The following TRDN variants were observed in gnomAD, a reference collection of about 807,000 sequenced individuals.
The protein encoded by TRDN is triadin, also known as triadin in skeletal muscle.
A neutral mutation model predicts 149.7 loss-of-function variants in TRDN; 161 were observed. The observed-to-expected ratio is 1.08, with a 90% confidence interval of 0.95 to 1.23. The LOEUF (loss-of-function observed/expected upper bound fraction) is 1.23. TRDN is among the 50% of genes most tolerant of loss of function. TRDN has a pLI of 0.00. For synonymous variants in TRDN, 294 were observed against 250.5 expected (o/e 1.17, Z -1.64); for missense variants, 896 against 823.5 (o/e 1.09, Z -1.08).
intron 10 of TRDN, among the ~76,000 whole-genome samples, chr6:123,440,246 G>C (rs1243232978): frequency 6.6e-6 from 1 of 152,102 alleles, no homozygotes; most frequent in African/African-American, 2.4e-5. Context: ...AGGGAAAAAT[G>C]TATTCACACT....
intron 20 of TRDN, among the ~76,000 whole-genome samples, chr6:123,362,634 T>C (rs1308873113): frequency 2.6e-5 from 4 of 152,170 alleles, no homozygotes; most frequent in African/African-American, 9.6e-5. Flanking sequence ...GTAAACATTG[T>C]CTTTTCCCCA....
chr6:123,620,579 T>C (rs554729908), intron 1 of TRDN, among the ~76,000 whole-genome samples: 1 of 152,204 alleles, frequency 6.6e-6, no homozygotes, highest in Non-Finnish European at 1.5e-5. Context: ...ACAATATAGA[T>C]AAATGGAGAT....
chr6:123,229,059 T>G (rs560577187), intron 38 of TRDN, among the ~76,000 whole-genome samples: 2 of 151,940 alleles, frequency 1.3e-5, no homozygotes, highest in African/African-American at 4.8e-5. Context: ...AAGAATAAAA[T>G]TGTACTATCT....
At chr6:123,504,148 T>C (rs1219810176) in intron 7 of TRDN, among the ~76,000 whole-genome samples, 1 of 151,986 alleles carries the variant, frequency 6.6e-6, no homozygotes, top group East Asian at 1.9e-4. Flanking sequence ...CTAAAAGTGT[T>C]ATGGCTTTTA....
chr6:123,254,812 C>A, intron 37 of TRDN: 1 of 281,088 alleles, frequency 3.6e-6, no homozygotes, highest in Non-Finnish European at 7.0e-6. Context: ...CTAAAAAAGT[C>A]TTTGTAATTG....
At chr6:123,601,036 T>G (rs940263461) in intron 1 of TRDN, among the ~76,000 whole-genome samples, 1 of 152,132 alleles carries the variant, frequency 6.6e-6, no homozygotes, top group Non-Finnish European at 1.5e-5. Flanking sequence ...ACCTAATTCC[T>G]TATTTTTTCC....
rs61577597 is a variant in TRDN at position 123,489,328 on chromosome 6, A to T, written c.853+7865T>A. Among the ~76,000 whole-genome samples, 295 of 152,208 alleles carry T rather than the reference A, an allele frequency of 1.9e-3. 3 individuals carry two copies. The highest frequency in any genetic ancestry group is 6.8e-3 in the African/African-American group (282 of 41,560). ...TAAACTGAGATTCAAAAAAACAAAA[A>T]ACACAAGTGAAGGATTTAAATCTTG... On this transcript the variant is annotated intron_variant, in intron 9 of 40. Transcript: ENST00000334268.
chr6:123,283,731 C>A lies in TRDN; in HGVS notation c.1511-4649G>T, dbSNP rs139583554. 2.0e-5 allele frequency among the ~76,000 whole-genome samples: 3 copies of A among 150,664 alleles called. No homozygotes were observed. The East Asian group carries it at 6.0e-4, about 30-fold the overall frequency. ...TGGATAAATTCCTGGAAATATGTAA[C>A]CCTCCTAGCTTAAATCAGGAAGAAT... On this transcript the variant is annotated intron_variant, in intron 24 of 40. Coordinates refer to ENST00000334268, the MANE Select transcript of TRDN (RefSeq NM_006073.4).
intron 24 of TRDN, among the ~76,000 whole-genome samples, chr6:123,295,431 A>G (rs1166496921): frequency 6.6e-6 from 1 of 152,166 alleles, no homozygotes. Flanking sequence ...TTGCCCTTGA[A>G]TTCTTTCCTA....
At chr6:123,270,907 T>A (rs1330345762) in intron 30 of TRDN, among the ~76,000 whole-genome samples, 1 of 151,988 alleles carries the variant, frequency 6.6e-6, no homozygotes, top group Non-Finnish European at 1.5e-5. Flanking sequence ...CTTAGCTCAA[T>A]CACACTTAAA....
chr6:123,472,518 A>G (rs1482960356), intron 9 of TRDN, among the ~76,000 whole-genome samples: 1 of 152,204 alleles, frequency 6.6e-6, no homozygotes, highest in Non-Finnish European at 1.5e-5. Flanking sequence ...GGCGCCCGCC[A>G]TTGCCCAGGC....
At chr6:123,586,322 G>A (rs1437677888) in intron 1 of TRDN, among the ~76,000 whole-genome samples, 2 of 151,846 alleles carry the variant, frequency 1.3e-5, no homozygotes, top group Admixed American at 6.6e-5. Context: ...GGAAGAATTG[G>A]GACCTAGCTC....
chr6:123,552,702 T>C (rs2114457788), intron 2 of TRDN, among the ~76,000 whole-genome samples: 1 of 152,288 alleles, frequency 6.6e-6, no homozygotes, highest in East Asian at 1.9e-4. Flanking sequence ...AAAATATTAT[T>C]TGTTTCAATT....
At chr6:123,403,978 G>T (rs926940115) in intron 12 of TRDN, among the ~76,000 whole-genome samples, 8 of 151,880 alleles carry the variant, frequency 5.3e-5, no homozygotes, top group Non-Finnish European at 1.2e-4. Context: ...TATATAATTG[G>T]GATACTACAT....
At chr6:123,618,388 G>C (rs920832543) in intron 1 of TRDN, among the ~76,000 whole-genome samples, 2 of 152,060 alleles carry the variant, frequency 1.3e-5, no homozygotes, top group Non-Finnish European at 2.9e-5. Flanking sequence ...CTGGCTGATT[G>C]CATCTCCCGC....
chr6:123,500,349 G>A (rs1205162243), intron 8 of TRDN, among the ~76,000 whole-genome samples: 1 of 152,030 alleles, frequency 6.6e-6, no homozygotes, highest in African/African-American at 2.4e-5. Context: ...CCTTAACAAC[G>A]TATAAGAATT....
intron 36 of TRDN, 53 bp from the exon 37 acceptor site, chr6:123,255,178 A>G (rs1004865799): frequency 1.1e-6 from 1 of 917,226 alleles, no homozygotes; most frequent in Non-Finnish European, 1.6e-6. Flanking sequence ...GTAAATTTCC[A>G]TCAAAATTTT....
Position 123,216,991 on chromosome 6 carries a change from C to T in TRDN, c.*1610G>A, listed in dbSNP as rs1222196301. On this transcript the variant is annotated 3_prime_UTR_variant, in exon 41 of 41. Coordinates refer to ENST00000334268, the MANE Select transcript of TRDN (RefSeq NM_006073.4). ...TGAGCAATAAACTTTATGCACTCTC[C>T]TACCCACAAGTTTAGATTGTCACCT... is the stretch of plus-strand genomic sequence containing the variant. The T allele has an allele frequency of 6.6e-6, 1 of 151,974 alleles. No homozygotes were observed. Among genetic ancestry groups the T allele is most frequent in the African/African-American group, 2.4e-5 (1 of 41,388 alleles). The allele number at this position is 151,974 out of a possible 1,614,324, so 9.4% of individuals were successfully genotyped here. A position where few individuals can be genotyped will look rare whatever the true frequency, so the allele number is the denominator to read the frequency against.
At chr6:123,332,844 T>A (rs1322728174) in intron 22 of TRDN, among the ~76,000 whole-genome samples, 1 of 152,084 alleles carries the variant, frequency 6.6e-6, no homozygotes, top group Non-Finnish European at 1.5e-5. Context: ...TAGAATTAAC[T>A]GAGTCCAGAT....
Sources: allele counts gnomAD v4.1 joint callset (sites outside exome capture counted in the v4.1 genomes callset), GRCh38; gene constraint gnomAD v4.1.1; transcripts MANE v1.5; gene names NCBI Gene and HGNC (gene_info 2026-07-23, HGNC 2026-07-21).